Variants in SEMA6D observed in about 807,000 individuals in gnomAD.
SEMA6D encodes the protein semaphorin 6D.
In SEMA6D, 35 loss-of-function variants were observed where a neutral mutation model predicts 106.6. The observed-to-expected ratio is 0.33, with a 90% confidence interval of 0.25 to 0.44. The LOEUF is 0.44. SEMA6D is among the 20% of genes least tolerant of loss of function. The probability of loss-of-function intolerance (pLI) is 1.00; values close to 1 mark genes in which losing one functional copy is unlikely to be tolerated. For missense variants in SEMA6D, 1,185 were observed against 1,345.9 expected, an observed-to-expected ratio of 0.88 and a Z score of 1.87; for synonymous variants, 499 against 487.7, an observed-to-expected ratio of 1.02 and a Z score of -0.31.
chr15:47,370,820 C>G (rs1315185692), intron 1 of SEMA6D, among the ~76,000 whole-genome samples: 1 of 151,720 alleles, frequency 6.6e-6, no homozygotes, highest in Middle Eastern at 3.4e-3. Flanking sequence ...GAGCTGAGAT[C>G]GTGCCACTGC....
chr15:47,653,295 T>C (rs2077727645), intron 4 of SEMA6D, among the ~76,000 whole-genome samples: 1 of 152,236 alleles, frequency 6.6e-6, no homozygotes, highest in Non-Finnish European at 1.5e-5. Context: ...TGATGGAATC[T>C]GCACATAAAA....
chr15:47,450,080 G>A lies in SEMA6D; in HGVS notation c.-158-20394G>A, dbSNP rs150418090. Reference sequence around the variant, plus strand: ...ATTCTAATTGCCTTTTAAAAAATAGGATTGGAAGTGAAGTAAACAGAATGA... The same window carrying A: ...ATTCTAATTGCCTTTTAAAAAATAGAATTGGAAGTGAAGTAAACAGAATGA... On this transcript the variant is annotated intron_variant, in intron 2 of 19. Coordinates refer to the SEMA6D transcript ENST00000558014. Among the ~76,000 whole-genome samples, 43 of 152,216 alleles carry A rather than the reference G, an allele frequency of 2.8e-4. No individual in the cohort carries two copies. The East Asian group carries it at 8.3e-3, about 30-fold the overall frequency.
intron 2 of SEMA6D, among the ~76,000 whole-genome samples, chr15:47,435,215 T>C (rs2041663017): frequency 6.6e-6 from 1 of 152,222 alleles, no homozygotes; most frequent in East Asian, 1.9e-4. Context: ...TTTTTTTGAA[T>C]GGAGAAGGAA....
chr15:47,286,352 AT>A (rs1459708255), intron 1 of SEMA6D, among the ~76,000 whole-genome samples: 1 of 152,174 alleles, frequency 6.6e-6, no homozygotes, highest in Non-Finnish European at 1.5e-5. Context: ...CTTAAAAATT[AT>A]GTTTACAGGA....
chr15:47,214,699 A>C (rs926803926), intron 1 of SEMA6D, among the ~76,000 whole-genome samples: 1 of 152,200 alleles, frequency 6.6e-6, no homozygotes, highest in Non-Finnish European at 1.5e-5. Flanking sequence ...CATCTACAAA[A>C]AAATGTTTTA....
At chr15:47,769,179 G>A (rs1468593366) in intron 18 of SEMA6D, among the ~76,000 whole-genome samples, 1 of 152,174 alleles carries the variant, frequency 6.6e-6, no homozygotes, top group East Asian at 1.9e-4. Context: ...AAGGATATGT[G>A]AGATGCTAAG....
intron 3 of SEMA6D, among the ~76,000 whole-genome samples, chr15:47,546,994 A>G (rs2142321507): frequency 6.6e-6 from 1 of 152,236 alleles, no homozygotes; most frequent in East Asian, 1.9e-4. Flanking sequence ...CTTGGCCTGC[A>G]TCAGGAAGAG....
chr15:47,296,543 G>A (rs2035808341), intron 1 of SEMA6D, among the ~76,000 whole-genome samples: 1 of 152,116 alleles, frequency 6.6e-6, no homozygotes, highest in Admixed American at 6.5e-5. Context: ...AGAAAATAAA[G>A]CAAGGGGGAA....
At chr15:47,512,536 G>A (rs1406892063) in intron 3 of SEMA6D, among the ~76,000 whole-genome samples, 2 of 152,194 alleles carry the variant, frequency 1.3e-5, no homozygotes, top group Non-Finnish European at 2.9e-5. Context: ...GGCAGCATCA[G>A]GAGACAATGG....
chr15:47,364,129 T>C (rs1156592267), intron 1 of SEMA6D, among the ~76,000 whole-genome samples: 1 of 152,130 alleles, frequency 6.6e-6, no homozygotes, highest in Non-Finnish European at 1.5e-5. Flanking sequence ...GACTTTTGGG[T>C]TAAGAGTCAG....
intron 2 of SEMA6D, among the ~76,000 whole-genome samples, chr15:47,420,213 G>T (rs567496020): frequency 6.6e-6 from 1 of 152,150 alleles, no homozygotes; most frequent in African/African-American, 2.4e-5. Context: ...GAGCCCAATA[G>T]CTCAATTTTA....
At position 47,621,761 on chromosome 15, in the gene SEMA6D, C is replaced by G. The variant is rs1282494393; in HGVS notation, c.-55+20865C>G. 2.0e-5 allele frequency among the ~76,000 whole-genome samples: 3 copies of G among 152,132 alleles called. No homozygotes were observed. In the East Asian group the frequency reaches 5.8e-4, roughly 29 times the overall value. ...TAAGGACTTCACTTAATCTTTTTGC[C>G]TCAGCTTTCTCACCTGTCAAACAGA... On this transcript the variant is annotated intron_variant, in intron 4 of 19. Coordinates refer to the SEMA6D transcript ENST00000558014.
intron 1 of SEMA6D, among the ~76,000 whole-genome samples, chr15:47,225,370 C>G (rs1043561781): frequency 6.6e-6 from 1 of 151,702 alleles, no homozygotes; most frequent in South Asian, 2.1e-4. Context: ...TTGTGGGATC[C>G]CATTGCTGTT....
intron 1 of SEMA6D, among the ~76,000 whole-genome samples, chr15:47,213,297 T>C (rs1048753156): frequency 1.3e-5 from 2 of 152,192 alleles, no homozygotes; most frequent in African/African-American, 4.8e-5. Flanking sequence ...AGGTTACAAA[T>C]GAGGTTTAGT....
At chr15:47,439,719 G>A (rs552854609) in intron 2 of SEMA6D, among the ~76,000 whole-genome samples, 1 of 152,192 alleles carries the variant, frequency 6.6e-6, no homozygotes, top group Non-Finnish European at 1.5e-5. Context: ...TCCACCCTGT[G>A]GGTTTAGAGG....
In SEMA6D at chr15:47,355,978, C is replaced by G. The variant is rs1595810314; in HGVS notation, c.-238-56415C>G. On this transcript the variant is annotated intron_variant, in intron 1 of 19. Transcript: ENST00000558014. ...CATACCATGGTAGGCATAGTGAGCT[C>G]TGAGAATTTCAGAGCTCCAAAGAGG... Among the ~76,000 whole-genome samples, 3 of 152,280 alleles carry G rather than the reference C, an allele frequency of 2.0e-5. No homozygotes were observed. The East Asian group carries it at 5.8e-4, about 29-fold the overall frequency.
In SEMA6D at chr15:47,743,382, GT is replaced by G. The variant is rs202111281; in HGVS notation, c.-54-16353del. Among the ~76,000 whole-genome samples, 817 of 149,644 alleles carry G rather than the reference GT, an allele frequency of 5.5e-3. 6 individuals are homozygous for G. Among genetic ancestry groups the G allele is most frequent in the Non-Finnish European group, 7.5e-3 (507 of 67,256 alleles). On this transcript the variant is annotated intron_variant, in intron 1 of 18. Transcript: ENST00000536845. ...AAGGGCTCTGTGGAGATTTTTCAATGTTTTTTTTTTCTTGAGAAGGCACAGG... is the reference window on the plus strand; with the variant it reads ...AAGGGCTCTGTGGAGATTTTTCAATGTTTTTTTTTCTTGAGAAGGCACAGG...
chr15:47,334,030 G>T (rs2037451856), intron 1 of SEMA6D, among the ~76,000 whole-genome samples: 1 of 152,166 alleles, frequency 6.6e-6, no homozygotes. Context: ...GAACAGTTAG[G>T]TCTTGTTGGG....
At chr15:47,643,346 T>C (rs1390959768) in intron 4 of SEMA6D, among the ~76,000 whole-genome samples, 1 of 152,178 alleles carries the variant, frequency 6.6e-6, no homozygotes, top group Non-Finnish European at 1.5e-5. Context: ...TGTTGCACAG[T>C]GTAGACTCTC....
Sources: gnomAD v4.1 joint callset for allele counts (sites outside exome capture counted in the v4.1 genomes callset) on GRCh38, gnomAD v4.1.1 for gene constraint, MANE v1.5 for transcripts, NCBI Gene and HGNC (gene_info 2026-07-23, HGNC 2026-07-21) for gene names.